RBFOX1: variants seen among roughly 807,000 people sequenced by gnomAD.
RBFOX1 encodes the protein RNA binding protein fox-1 homolog 1.
Under a neutral mutation model 57.7 loss-of-function variants are expected in RBFOX1, and 8 were observed. The ratio of observed to expected loss-of-function variants is 0.14; its 90% CI spans 0.08 to 0.25. RBFOX1 has a LOEUF of 0.25. RBFOX1 is among the 10% of genes least tolerant of loss of function. RBFOX1 has a pLI of 1.00. For synonymous variants in RBFOX1, 326 were observed against 222.4 expected (o/e 1.47, Z -4.15); for missense variants, 611 against 548.5 (o/e 1.11, Z -1.14).
At chr16:7,288,357 T>C (rs1012439610) in intron 4 of RBFOX1, among the ~76,000 whole-genome samples, 1 of 152,204 alleles carries the variant, frequency 6.6e-6, no homozygotes, top group Non-Finnish European at 1.5e-5. Flanking sequence ...CACACTCATC[T>C]GAGTTAGGGC....
At chr16:6,943,223 G>A (rs2078869893) in intron 3 of RBFOX1, among the ~76,000 whole-genome samples, 2 of 152,206 alleles carry the variant, frequency 1.3e-5, no homozygotes, top group Non-Finnish European at 2.9e-5. Flanking sequence ...TAAGGTTATA[G>A]AGCCCTCAAG....
chr16:7,298,411 C>G (rs1264251339), intron 4 of RBFOX1, among the ~76,000 whole-genome samples: 1 of 151,244 alleles, frequency 6.6e-6, no homozygotes, highest in Non-Finnish European at 1.5e-5. Context: ...GCGTCTGCCT[C>G]CCAAGTAGCT....
At chr16:6,816,943 T>G (rs776990277) in intron 3 of RBFOX1, among the ~76,000 whole-genome samples, 7 of 152,026 alleles carry the variant, frequency 4.6e-5, no homozygotes, top group Non-Finnish European at 1.0e-4. Context: ...GATGGGGTCT[T>G]AACTGAGTTG....
chr16:6,351,348 G>GTATA (rs1370072119), intron 2 of RBFOX1, among the ~76,000 whole-genome samples: 4 of 97,044 alleles, frequency 4.1e-5, no homozygotes, highest in African/African-American at 1.3e-4. Context: ...GTGTGTGTGT[G>GTATA]TGTGTATATA....
chr16:6,506,466 G>A (rs1016046617), intron 2 of RBFOX1, among the ~76,000 whole-genome samples: 1 of 151,900 alleles, frequency 6.6e-6, no homozygotes, highest in African/African-American at 2.4e-5. Flanking sequence ...GAGAAAGAAG[G>A]CTGAGGGAAT....
At chr16:5,299,622 C>A (rs1177297971) in intron 1 of RBFOX1, among the ~76,000 whole-genome samples, 1 of 152,166 alleles carries the variant, frequency 6.6e-6, no homozygotes, top group African/African-American at 2.4e-5. Flanking sequence ...ACAGCCATTT[C>A]AGTCATTGAT....
At chr16:7,345,652 C>T (rs1289396143) in intron 4 of RBFOX1, among the ~76,000 whole-genome samples, 1 of 152,104 alleles carries the variant, frequency 6.6e-6, no homozygotes, top group Non-Finnish European at 1.5e-5. Flanking sequence ...TGTAAGGGAC[C>T]AGAGCTCCCA....
intron 4 of RBFOX1, among the ~76,000 whole-genome samples, chr16:7,111,702 G>A (rs1204562537): frequency 6.6e-6 from 1 of 151,944 alleles, no homozygotes; most frequent in African/African-American, 2.4e-5. Flanking sequence ...GGGAAGATGA[G>A]GTTAGTCTGA....
intron 3 of RBFOX1, among the ~76,000 whole-genome samples, chr16:6,770,189 T>C (rs1429993213): frequency 6.6e-6 from 1 of 152,208 alleles, no homozygotes; most frequent in Non-Finnish European, 1.5e-5. Flanking sequence ...ATATATCCAT[T>C]AGCAGTCATG....
At chr16:5,513,661 C>T (rs2043686683) in intron 2 of RBFOX1, among the ~76,000 whole-genome samples, 1 of 152,174 alleles carries the variant, frequency 6.6e-6, no homozygotes, top group South Asian at 2.1e-4. Flanking sequence ...TTTATTTATT[C>T]AATCATTTAT....
At position 6,536,004 on chromosome 16, in the gene RBFOX1, C is replaced by G. The variant is rs1019354955; in HGVS notation, c.-63-118599C>G. Among the ~76,000 whole-genome samples the G allele has an allele frequency of 1.2e-4, 18 of 152,308 alleles. 1 individual carries two copies. The highest frequency in any genetic ancestry group is 4.1e-4 in the African/African-American group (17 of 41,570). On this transcript the variant is annotated intron_variant, in intron 2 of 15. Transcript: ENST00000550418. ...GACTTCATATATATCTATCTCTAGG[C>G]TATCCACAAAATGGAGATGTGTGAT...
In RBFOX1 at chr16:7,332,900, G is replaced by A. The variant is rs2096717555; in HGVS notation, c.28-185247G>A. ...CTTGGCTCCTGACAGAAGGGATTTG[G>A]CTCCCAGCTTTGTAGTTCGGAAGAA... is the stretch of plus-strand genomic sequence containing the variant. On this transcript the variant is annotated intron_variant, in intron 4 of 15. Coordinates refer to ENST00000550418, the MANE Select transcript of RBFOX1 (RefSeq NM_018723.4). 2.5e-6 allele frequency: 4 copies of A among 1,579,680 alleles called. No homozygotes were observed. In the East Asian group the frequency reaches 9.0e-5, roughly 36 times the overall value.
chr16:6,644,435 C>G (rs2098516972), intron 2 of RBFOX1, among the ~76,000 whole-genome samples: 1 of 152,206 alleles, frequency 6.6e-6, no homozygotes, highest in African/African-American at 2.4e-5. Flanking sequence ...GCAAAACCTT[C>G]TTCCTCAGCA....
At chr16:6,450,839 G>GTGTATA (rs1468033155) in intron 2 of RBFOX1, among the ~76,000 whole-genome samples, 5 of 13,610 alleles carry the variant, frequency 3.7e-4, no homozygotes, top group African/African-American at 1.7e-3. Context: ...ATATATATGT[G>GTGTATA]TATATATATA....
intron 1 of RBFOX1, among the ~76,000 whole-genome samples, chr16:6,301,180 A>T (rs2078779325): frequency 6.6e-6 from 1 of 152,184 alleles, no homozygotes; most frequent in Non-Finnish European, 1.5e-5. Context: ...ATCTCTACAT[A>T]TTTCAAATCT....
At chr16:5,640,500 A>G (rs920363234) in intron 3 of RBFOX1, among the ~76,000 whole-genome samples, 1 of 151,418 alleles carries the variant, frequency 6.6e-6, no homozygotes, top group African/African-American at 2.4e-5. Flanking sequence ...TATGCACACC[A>G]TGCATATACA....
At chr16:6,483,990 G>A in intron 2 of RBFOX1, 1 of 1,009,800 alleles carries the variant, frequency 9.9e-7, no homozygotes, top group South Asian at 3.9e-5. Context: ...CCGTGGTGGG[G>A]GTGGTCTGGA....
At chr16:5,453,324 A>C (rs904201533) in intron 1 of RBFOX1, among the ~76,000 whole-genome samples, 3 of 152,206 alleles carry the variant, frequency 2.0e-5, no homozygotes, top group Non-Finnish European at 4.4e-5. Flanking sequence ...AAGAAAATGC[A>C]GGGTGATATG....
intron 3 of RBFOX1, among the ~76,000 whole-genome samples, chr16:5,701,558 T>G (rs2051048620): frequency 6.6e-6 from 1 of 152,152 alleles, no homozygotes; most frequent in Non-Finnish European, 1.5e-5. Flanking sequence ...TTCTCTCCAG[T>G]GGCTGGGACT....
Sources: allele counts gnomAD v4.1 joint callset (sites outside exome capture counted in the v4.1 genomes callset), GRCh38; gene constraint gnomAD v4.1.1; transcripts MANE v1.5; gene names NCBI Gene and HGNC (gene_info 2026-07-23, HGNC 2026-07-21).